The following MGAM variants were observed in gnomAD, a reference collection of about 807,000 sequenced individuals.
MGAM encodes the protein alpha-1,4-glucosidase.
Under a neutral mutation model 358.8 loss-of-function variants are expected in MGAM, and 253 were observed. The ratio of observed to expected loss-of-function variants is 0.71; its 90% CI spans 0.64 to 0.78. The LOEUF (loss-of-function observed/expected upper bound fraction) is 0.78. MGAM is among the 30% of genes least tolerant of loss of function. The pLI is 0.00. For missense variants in MGAM, 3,080 were observed against 3,432.6 expected (o/e 0.90, Z 2.57); for synonymous variants, 1,105 against 1,227.1 (o/e 0.90, Z 2.08).
Position 142,020,321 on chromosome 7 carries a change from ATATG to A in MGAM, c.449-647_449-644del, listed in dbSNP as rs367997763. ...GAAAATAACTGAGAAGGAATTATGT[ATATG>A]TATGTCAGGTCTGAGAATGTAAAGG... is the stretch of plus-strand genomic sequence containing the variant. On this transcript the variant is annotated intron_variant, in intron 4 of 70. Coordinates refer to ENST00000475668, the MANE Select transcript of MGAM (RefSeq NM_001365693.1). 5.1e-3 allele frequency among the ~76,000 whole-genome samples: 773 copies of A among 152,208 alleles called. 4 individuals carry two copies. Among genetic ancestry groups the A allele is most frequent in the African/African-American group, 0.018 (730 of 41,532 alleles).
At chr7:142,050,924 C>T in intron 24 of MGAM, 60 bp downstream of exon 24, 1 of 1,609,260 alleles carries the variant, frequency 6.2e-7, no homozygotes. Context: ...CGTGATGTTC[C>T]TTCTTGCCAA....
chr7:142,098,287 A>G (rs1816128781), intron 66 of MGAM, among the ~76,000 whole-genome samples: 1 of 152,128 alleles, frequency 6.6e-6, no homozygotes, highest in Non-Finnish European at 1.5e-5. Flanking sequence ...CTGGGAAGCC[A>G]GGGTCTTCCC....
At chr7:142,065,945 T>G (rs4276597) in intron 40 of MGAM, 114 bp downstream of exon 40, 34,440 of 828,024 alleles carry the variant, frequency 0.042, 3,790 homozygotes, top group African/African-American at 0.15. Context: ...AAAAAGGTGT[T>G]TTTTTTTGTT....
chr7:142,063,507 T>C lies in MGAM; in HGVS notation c.4266T>C (p.Asn1422=), dbSNP rs369807337. ...LKFDGMWIDM[N]EPSSFVNGAV... is the part of the protein sequence containing the mutation. ...GTGTTTGGCATTTCTAGGATATGAA[T>C]GAACCATCAAGCTTCGTGAATGGGG... Residue 1422 remains asparagine (N), a synonymous_variant, in exon 36 of 71, where the codon AAT becomes AAC. Coordinates refer to ENST00000475668, the MANE Select transcript of MGAM (RefSeq NM_001365693.1). The C allele has an allele frequency of 9.5e-5, 154 of 1,613,440 alleles. No individual in the cohort carries two copies. The highest frequency in any genetic ancestry group is 1.3e-4 in the Non-Finnish European group (150 of 1,179,722).
intron 47 of MGAM, 36 bp from the exon 48 acceptor site, chr7:142,078,282 A>G (rs1347002180): frequency 2.1e-6 from 3 of 1,398,868 alleles, no homozygotes; most frequent in South Asian, 2.8e-5. Context: ...CTTTCTCCCA[A>G]AGATGAATTT....
rs534399612 is a variant in MGAM, at chr7:142,066,763, A to G, written c.4919+42A>G. The G allele has an allele frequency of 5.1e-5, 78 of 1,530,016 alleles. 12 individuals carry two copies. Among genetic ancestry groups the G allele is most frequent in the Non-Finnish European group, 6.8e-5 (76 of 1,115,732 alleles). 94.8% of individuals were successfully genotyped at this position (1,530,016 alleles called of 1,614,324 possible). ...GATCCCGATGACTAATGGATGACTT[A>G]TTGCATTCTATGTGGTAGCAGTTGA... On this transcript the variant is annotated intron_variant, in intron 41 of 70. Coordinates refer to ENST00000475668, the MANE Select transcript of MGAM (RefSeq NM_001365693.1).
At chr7:142,031,610 G>T in intron 12 of MGAM, 70 bp from the exon 13 acceptor site, 1 of 1,081,414 alleles carries the variant, frequency 9.2e-7, no homozygotes, top group Non-Finnish European at 1.4e-6. Flanking sequence ...GAATTTCTTT[G>T]CAAAGTACTT....
upstream of MGAM, among the ~76,000 whole-genome samples, chr7:141,992,199 C>T (rs1190286662): frequency 6.6e-6 from 1 of 152,112 alleles, no homozygotes; most frequent in Non-Finnish European, 1.5e-5. Flanking sequence ...GTCTTTTACT[C>T]ACATTATTTT....
intron 6 of MGAM, 131 bp from the exon 7 acceptor site, chr7:142,022,137 A>G (rs768654651): frequency 1.2e-6 from 1 of 841,166 alleles, no homozygotes; most frequent in Non-Finnish European, 1.8e-6. Context: ...GAAAAATGTC[A>G]CAGGAGGGCA....
intron 1 of MGAM, among the ~76,000 whole-genome samples, chr7:142,000,172 C>G (rs1804620010): frequency 6.6e-6 from 1 of 152,068 alleles, no homozygotes; most frequent in African/African-American, 2.4e-5. Context: ...TTATGTAGGT[C>G]AGAAATATGG....
Position 142,022,354 on chromosome 7 carries a change from TG to T in MGAM, c.800del (p.Gly267GlufsTer12). ...CTGCCTAGCACTAACGTGTATGGCC[TG>T]GGAGAGCATGTGCACCAGCAGTATC... ...TRLPSTNVYG[L>X]GEHVHQQYRH... On this transcript the variant is annotated frameshift_variant, in exon 7 of 71. Coordinates refer to ENST00000475668, the MANE Select transcript of MGAM (RefSeq NM_001365693.1). LOFTEE classifies it high-confidence loss of function. The T allele has an allele frequency of 6.2e-7, 1 of 1,613,710 alleles. No homozygotes were observed. The highest frequency in any genetic ancestry group is 1.7e-5 in the Admixed American group (1 of 60,000).
At chr7:141,997,992 A>C (rs1414023036) in intron 1 of MGAM, among the ~76,000 whole-genome samples, 1 of 152,150 alleles carries the variant, frequency 6.6e-6, no homozygotes, top group African/African-American at 2.4e-5. Flanking sequence ...AGGATTTTAA[A>C]AGAATGGCTT....
At chr7:142,019,013 G>GA (rs1554457344) in intron 3 of MGAM, among the ~76,000 whole-genome samples, 186 bp from the exon 4 acceptor site, 1 of 152,082 alleles carries the variant, frequency 6.6e-6, no homozygotes, top group East Asian at 1.9e-4. Context: ...ACACTGGTCA[G>GA]AAAAATTGGT....
intron 22 of MGAM, among the ~76,000 whole-genome samples, chr7:142,048,522 A>ACGGAGTCTCGCTC (rs1810636223): frequency 1.8e-5 from 1 of 54,518 alleles, no homozygotes; most frequent in African/African-American, 3.6e-5. Context: ...CCCAATGTTA[A>ACGGAGTCTCGCTC]TGTCTTCCTC....
chr7:142,035,828 T>C (rs530550969), intron 16 of MGAM, among the ~76,000 whole-genome samples: 1 of 152,108 alleles, frequency 6.6e-6, no homozygotes, highest in East Asian at 1.9e-4. Context: ...AGTGGTGAGG[T>C]CAAAATAATA....
chr7:142,008,454 T>C, intron 2 of MGAM, 52 bp from the exon 3 acceptor site: 1 of 1,532,118 alleles, frequency 6.5e-7, no homozygotes, highest in Non-Finnish European at 8.8e-7. Flanking sequence ...CTATTGAATG[T>C]CTGTGAAATT....
intron 1 of MGAM, among the ~76,000 whole-genome samples, chr7:141,996,849 G>C (rs2014744): frequency 0.038 from 5,740 of 152,188 alleles, 175 homozygotes; most frequent in East Asian, 0.17. Context: ...CCTGTGGAAT[G>C]TGGGAGGAGG....
chr7:142,006,683 C>T (rs1232466303), intron 2 of MGAM, among the ~76,000 whole-genome samples: 1 of 152,050 alleles, frequency 6.6e-6, no homozygotes, highest in Non-Finnish European at 1.5e-5. Context: ...TTTAAAATTT[C>T]TGTTTAAGGT....
chr7:142,082,319 A>G, intron 51 of MGAM, 109 bp downstream of exon 51: 5 of 1,379,292 alleles, frequency 3.6e-6, no homozygotes, highest in Non-Finnish European at 4.0e-6. Flanking sequence ...TTCTGCTTTT[A>G]GGCGAGTGGG....
Sources: gnomAD v4.1 joint callset for allele counts (sites outside exome capture counted in the v4.1 genomes callset) on GRCh38, gnomAD v4.1.1 for gene constraint, MANE v1.5 for transcripts, NCBI Gene and HGNC (gene_info 2026-07-23, HGNC 2026-07-21) for gene names.